PRKDC: variants seen among roughly 807,000 people sequenced by gnomAD.
The protein encoded by PRKDC is protein kinase, DNA-activated, catalytic subunit.
A neutral mutation model predicts 486.9 loss-of-function variants in PRKDC; 82 were observed. The ratio of observed to expected loss-of-function variants is 0.17; its 90% CI spans 0.14 to 0.20. The LOEUF (loss-of-function observed/expected upper bound fraction) is 0.20, where lower values mean the gene tolerates loss of function less well. PRKDC is among the 10% of genes least tolerant of loss of function. The pLI is 1.00. For synonymous variants in PRKDC, 1,895 were observed against 1,837.0 expected (o/e 1.03, Z -0.81); for missense variants, 4,504 against 5,038.2 (o/e 0.89, Z 3.21).
chr8:47,944,544 C>T (rs2090499822), intron 7 of PRKDC, among the ~76,000 whole-genome samples: 1 of 142,468 alleles, frequency 7.0e-6, no homozygotes, highest in Non-Finnish European at 1.5e-5. Flanking sequence ...ATGACAATTA[C>T]AAATACAAAT....
At chr8:47,916,556 GAA>G (rs1298409014) in intron 22 of PRKDC, among the ~76,000 whole-genome samples, 2 of 152,136 alleles carry the variant, frequency 1.3e-5, no homozygotes, top group Non-Finnish European at 2.9e-5. Context: ...CAGATTTTCA[GAA>G]GTTTTCCTCA....
chr8:47,861,118 A>C, intron 44 of PRKDC, 147 bp from the exon 45 acceptor site: 1 of 609,448 alleles, frequency 1.6e-6, no homozygotes, highest in South Asian at 2.3e-5. Flanking sequence ...TAACCTCAAA[A>C]AGAGACTAGT....
In PRKDC at chr8:47,854,192, C is replaced by G. The variant is rs754689694; in HGVS notation, c.6784G>C (p.Gly2262Arg). 6.2e-7 allele frequency: 1 copy of G among 1,613,480 alleles called. No homozygotes were observed. The highest frequency in any genetic ancestry group is 1.3e-5 in the African/African-American group (1 of 75,004). Residue 2262 changes from glycine (G) to arginine (R), a missense_variant, in exon 51 of 86, where the codon GGT becomes CGT. Around this residue, in one of 6 missense-constraint regions of PRKDC, gnomAD observed 1,592 missense variants for 1,724.6 expected, o/e 0.92. Coordinates refer to ENST00000314191, the MANE Select transcript of PRKDC (RefSeq NM_006904.7). ...PYRLIFEKFS[G>R]KDPNSKDNSV... The stretch of plus-strand genomic sequence containing the variant: ...TTGTCTTTAGAATTAGGATCTTTAC[C>G]GGAAAACTTTTCAAATATTAACCTG...
intron 74 of PRKDC, among the ~76,000 whole-genome samples, chr8:47,793,823 C>T (rs1268636432): frequency 6.6e-6 from 1 of 151,846 alleles, no homozygotes; most frequent in Non-Finnish European, 1.5e-5. Flanking sequence ...AATGTCACTA[C>T]AACACTACAC....
chr8:47,919,243 T>C (rs984045010), intron 21 of PRKDC, among the ~76,000 whole-genome samples: 1 of 152,230 alleles, frequency 6.6e-6, no homozygotes, highest in Non-Finnish European at 1.5e-5. Flanking sequence ...TAGTCTCTTT[T>C]AGACTGAAGC....
At chr8:47,793,053 T>A (rs2086908887) in intron 74 of PRKDC, among the ~76,000 whole-genome samples, 1 of 152,172 alleles carries the variant, frequency 6.6e-6, no homozygotes, top group Non-Finnish European at 1.5e-5. Flanking sequence ...AGCTTATTTT[T>A]ATTTTACTAT....
At position 47,828,170 on chromosome 8, in the gene PRKDC, G is replaced by C. The variant is rs751663229; in HGVS notation, c.8575C>G (p.Gln2859Glu). 5 of 1,612,614 alleles carry C rather than the reference G, an allele frequency of 3.1e-6. No individual in the cohort carries two copies. In the African/African-American group the frequency reaches 4.0e-5, roughly 13 times the overall value. Residue 2859 changes from glutamine to glutamate, a missense_variant and splice_region_variant, in exon 62 of 86, where the codon CAG (glutamine) becomes GAG (glutamate). By Grantham distance (29) the Gln-to-Glu change is conservative. Transcript: ENST00000314191. ...SFFPPFVSCI[Q>E]DISCQHAALL... Reference sequence around the variant, plus strand: ...GATGAAGTGTGTGCAGACTTTACCTGAATACAAGAGACAAAGGGTGGAAAG... The same window carrying C: ...GATGAAGTGTGTGCAGACTTTACCTCAATACAAGAGACAAAGGGTGGAAAG...
intron 10 of PRKDC, among the ~76,000 whole-genome samples, chr8:47,940,724 A>T (rs992495775): frequency 6.6e-5 from 10 of 152,330 alleles, no homozygotes; most frequent in African/African-American, 2.4e-4. Flanking sequence ...ACGCATCTTT[A>T]TTCAACTATT....
At chr8:47,904,837 G>A in intron 26 of PRKDC, 32 bp downstream of exon 26, 3 of 1,378,130 alleles carry the variant, frequency 2.2e-6, no homozygotes, top group Non-Finnish European at 3.1e-6. Flanking sequence ...TAATCGATGG[G>A]AGTAAGAGGA....
chr8:47,894,056 G>T (rs899858528), intron 30 of PRKDC, among the ~76,000 whole-genome samples: 1 of 152,074 alleles, frequency 6.6e-6, no homozygotes, highest in African/African-American at 2.4e-5. Flanking sequence ...TGAGATGGGC[G>T]GATCACTTGA....
chr8:47,843,679 T>A (rs2088202699), intron 54 of PRKDC, among the ~76,000 whole-genome samples: 1 of 152,162 alleles, frequency 6.6e-6, no homozygotes, highest in Non-Finnish European at 1.5e-5. Context: ...GAGAACCCCA[T>A]CAGGCTACCA....
intron 26 of PRKDC, among the ~76,000 whole-genome samples, chr8:47,904,402 G>A (rs2089735597): frequency 6.6e-6 from 1 of 152,198 alleles, no homozygotes. Flanking sequence ...CTACAGGTGT[G>A]TAACACCATG....
Position 47,780,533 on chromosome 8 carries a change from A to G in PRKDC, c.11490-1440T>C, listed in dbSNP as rs189915767. Among the ~76,000 whole-genome samples, 26 of 152,364 alleles carry G rather than the reference A, an allele frequency of 1.7e-4. No individual in the cohort carries two copies. In the South Asian group the frequency reaches 1.9e-3, roughly 11 times the overall value. ...GTTTCACGTGTGACTTAGCAATTCA[A>G]TCACTTCAGGTGAAATCTTTTCTGA... On this transcript the variant is annotated intron_variant, in intron 80 of 85. Coordinates refer to ENST00000314191, the MANE Select transcript of PRKDC (RefSeq NM_006904.7).
intron 63 of PRKDC, among the ~76,000 whole-genome samples, chr8:47,824,950 G>A (rs1213986639): frequency 6.6e-6 from 1 of 152,132 alleles, no homozygotes; most frequent in African/African-American, 2.4e-5. Flanking sequence ...CATCAAAAGA[G>A]CCCTACAGGT....
intron 30 of PRKDC, among the ~76,000 whole-genome samples, chr8:47,896,414 A>G (rs1408355482): frequency 2.0e-5 from 3 of 152,094 alleles, no homozygotes; most frequent in East Asian, 1.9e-4. Flanking sequence ...TTGGGAGGCC[A>G]AGGCGGGTGG....
chr8:47,864,690 T>G lies in PRKDC; in HGVS notation c.5437A>C (p.Ser1813Arg). The change falls in exon 41 of 86, where the codon AGT becomes CGT. Residue 1813 changes from serine to arginine, a missense_variant. By Grantham distance (110) the Ser-to-Arg change is moderately radical. Coordinates refer to ENST00000314191, the MANE Select transcript of PRKDC (RefSeq NM_006904.7). ...EMFRKDDPRL[S>R]FTRQSFVDRS... Reference sequence around the variant, plus strand: ...TCCACAAAGGACTGGCGTGTGAAACTTAGGCGGGGGTCATCCTTCCTGAAC... The same window carrying G: ...TCCACAAAGGACTGGCGTGTGAAACGTAGGCGGGGGTCATCCTTCCTGAAC... 3.1e-6 allele frequency: 5 copies of G among 1,607,680 alleles called. No individual in the cohort carries two copies. The highest frequency in any genetic ancestry group is 4.2e-6 in the Non-Finnish European group (5 of 1,177,054).
chr8:47,862,062 C>T lies in PRKDC; in HGVS notation c.5985G>A (p.Glu1995=), dbSNP rs1038557215. ...TTTTAACATTGAAAATTTCACTCAC[C>T]TCAACTTCTACAGGAAAATTATAGC... ...KRRYNFPVEV[E]VPMERKKKYI... The change falls in exon 44 of 86, where the codon GAG becomes GAA. Residue 1995 remains glutamate (E), a splice_region_variant and synonymous_variant. Transcript: ENST00000314191. 25 of 1,546,896 alleles carry T rather than the reference C, an allele frequency of 1.6e-5. No individual in the cohort carries two copies. The highest frequency in any genetic ancestry group is 2.1e-5 in the Non-Finnish European group (24 of 1,143,292).
chr8:47,866,140 T>C (rs1195821959), intron 40 of PRKDC, among the ~76,000 whole-genome samples: 4 of 84,954 alleles, frequency 4.7e-5, no homozygotes, highest in Admixed American at 1.8e-4. Flanking sequence ...TGGGCAACAA[T>C]AGAGAAACTC....
chr8:47,780,674 T>A (rs1173485804), intron 80 of PRKDC, among the ~76,000 whole-genome samples: 2 of 152,192 alleles, frequency 1.3e-5, no homozygotes, highest in East Asian at 3.9e-4. Flanking sequence ...GCGCAGTGGC[T>A]CAGGCCTGTA....
Sources: gnomAD v4.1 joint callset for allele counts (sites outside exome capture counted in the v4.1 genomes callset) on GRCh38, gnomAD v4.1.1 for gene constraint, gnomAD v4.1.1 regional missense constraint, MANE v1.5 for transcripts, NCBI Gene and HGNC (gene_info 2026-07-23, HGNC 2026-07-21) for gene names.